The following USP45 variants were observed in gnomAD, a reference collection of about 807,000 sequenced individuals.
USP45 encodes the protein ubiquitin specific peptidase 45, also known as ubiquitin carboxyl-terminal hydrolase 45.
A neutral mutation model predicts 95.8 loss-of-function variants in USP45; 89 were observed. The ratio of observed to expected loss-of-function variants is 0.93; its 90% CI spans 0.78 to 1.11. USP45 has a LOEUF of 1.11. Among genes scored for constraint, USP45 ranks in the 50% least tolerant of loss-of-function variants. USP45 has a pLI of 0.00. For synonymous variants in USP45, 281 were observed against 316.2 expected, an observed-to-expected ratio of 0.89 and a Z score of 1.18; for missense variants, 898 against 942.5, an observed-to-expected ratio of 0.95 and a Z score of 0.62.
At chr6:99,502,519 C>T (rs984245089) in intron 5 of USP45, among the ~76,000 whole-genome samples, 21 of 152,188 alleles carry the variant, frequency 1.4e-4, no homozygotes, top group Non-Finnish European at 2.8e-4. Flanking sequence ...CAACTGTGCC[C>T]TTAGCCTGTG....
intron 13 of USP45, among the ~76,000 whole-genome samples, chr6:99,459,778 G>A (rs1785975443): frequency 6.6e-6 from 1 of 152,068 alleles, no homozygotes. Context: ...TATCAGACTT[G>A]ATTCTGAGGG....
intron 13 of USP45, among the ~76,000 whole-genome samples, chr6:99,456,134 G>GAAAAA (rs71021737): frequency 5.6e-5 from 5 of 89,530 alleles, no homozygotes; most frequent in African/African-American, 1.8e-4. Context: ...CTCTGTCTCG[G>GAAAAA]AAAAAAAAAA....
chr6:99,487,633 C>CAAAA (rs11335830), intron 7 of USP45, among the ~76,000 whole-genome samples: 14 of 106,352 alleles, frequency 1.3e-4, no homozygotes, highest in African/African-American at 1.5e-4. Context: ...ACTAAAAATA[C>CAAAA]AAAAAAAAAA....
At chr6:99,438,385 G>A (rs1780901200) in intron 16 of USP45, among the ~76,000 whole-genome samples, 1 of 152,100 alleles carries the variant, frequency 6.6e-6, no homozygotes, top group African/African-American at 2.4e-5. Context: ...TTTTAAAATG[G>A]TTACCTATAA....
rs1780278921 is a variant in USP45 at position 99,435,223 on chromosome 6, AT to A, written c.*492del. 6.6e-6 allele frequency: 1 copy of A among 152,584 alleles called. No individual in the cohort carries two copies. The highest frequency in any genetic ancestry group is 6.5e-5 in the Admixed American group (1 of 15,280). The allele number at this position is 152,584 out of a possible 1,614,324, so 9.5% of individuals were successfully genotyped here. ...TTTTAATAGTTTTACTTTAATATTT[AT>A]TATAAAAATATAAAAGCACATAAAA... On this transcript the variant is annotated 3_prime_UTR_variant, in exon 18 of 18. Coordinates refer to ENST00000500704, the MANE Select transcript of USP45 (RefSeq NM_001346022.3).
intron 15 of USP45, 120 bp from the exon 16 acceptor site, chr6:99,439,975 A>G (rs976237858): frequency 1.5e-5 from 9 of 594,590 alleles, no homozygotes; most frequent in African/African-American, 1.3e-4. Context: ...AAATGTGACT[A>G]ATGTATAGTC....
intron 3 of USP45, among the ~76,000 whole-genome samples, 197 bp from the exon 4 acceptor site, chr6:99,507,728 T>A (rs2128805463): frequency 6.6e-6 from 1 of 152,230 alleles, no homozygotes; most frequent in East Asian, 1.9e-4. Context: ...CAATATACAG[T>A]ATTTACCTAA....
upstream of USP45, among the ~76,000 whole-genome samples, chr6:99,515,810 T>C (rs1801053769): frequency 7.5e-6 from 1 of 133,268 alleles, no homozygotes; most frequent in African/African-American, 3.0e-5. Flanking sequence ...AGTCTCGCTC[T>C]GTCGCCCAGG....
intron 14 of USP45, among the ~76,000 whole-genome samples, chr6:99,444,227 C>T (rs1249083671): frequency 1.3e-5 from 2 of 152,114 alleles, no homozygotes; most frequent in African/African-American, 2.4e-5. Flanking sequence ...GTTCCTCAGA[C>T]TGGTCTTGAA....
At chr6:99,486,834 CACACACACACAA>C (rs1467288947) in intron 7 of USP45, among the ~76,000 whole-genome samples, 2 of 151,644 alleles carry the variant, frequency 1.3e-5, no homozygotes, top group Non-Finnish European at 2.9e-5. Context: ...TACACACTTA[CACACACACACAA>C]ACACACACAC....
rs866016423 is a variant in USP45, at chr6:99,433,428, A to G, written c.*2288T>C. 44 of 152,748 alleles carry G rather than the reference A, an allele frequency of 2.9e-4. No individual in the cohort carries two copies. The highest frequency in any genetic ancestry group is 9.9e-4 in the African/African-American group (41 of 41,566). The allele number at this position is 152,748 out of a possible 1,614,324, so 9.5% of individuals were successfully genotyped here. The stretch of plus-strand genomic sequence containing the variant: ...CTGTTATTATAGTAGACTTGCTACT[A>G]TATACATTTACTATCCCTGCAAATG... On this transcript the variant is annotated 3_prime_UTR_variant, in exon 18 of 18. Coordinates refer to ENST00000500704, the MANE Select transcript of USP45 (RefSeq NM_001346022.3).
Position 99,510,233 on chromosome 6 carries a change from G to A in USP45, c.-10-3C>T. ...CTTTCACCCGCATCTGTTATTTACT[G>A]AAGGGATTGAGGGAAAAAAATTCAT... On this transcript the variant is annotated splice_polypyrimidine_tract_variant and splice_region_variant and intron_variant, in intron 1 of 17. Transcript: ENST00000500704. 6.2e-7 allele frequency: 1 copy of A among 1,606,470 alleles called. No homozygotes were observed. The highest frequency in any genetic ancestry group is 1.3e-5 in the African/African-American group (1 of 74,890).
intron 10 of USP45, among the ~76,000 whole-genome samples, chr6:99,467,924 CATTAGTT>C (rs1378317287): frequency 1.7e-5 from 2 of 115,446 alleles, no homozygotes; most frequent in African/African-American, 7.2e-5. Context: ...TTCATGCTAA[CATTAGTT>C]AGTATCTCAA....
chr6:99,503,216 A>C (rs1016023170), intron 5 of USP45, among the ~76,000 whole-genome samples: 4 of 152,188 alleles, frequency 2.6e-5, no homozygotes, highest in Non-Finnish European at 4.4e-5. Flanking sequence ...ATTCAAACTT[A>C]TCAGGACTGA....
At chr6:99,515,298 C>T (rs1450321396) in intron 1 of USP45, 94 bp downstream of exon 1, 7 of 152,230 alleles carry the variant, frequency 4.6e-5, no homozygotes, top group African/African-American at 1.7e-4. Flanking sequence ...CAGCCTCGCC[C>T]ACCCACAAGG....
intron 7 of USP45, 49 bp from the exon 8 acceptor site, chr6:99,482,932 A>T: frequency 7.3e-7 from 1 of 1,377,230 alleles, no homozygotes; most frequent in Non-Finnish European, 9.5e-7. Context: ...ATTTAAAAAT[A>T]ACATATTAAA....
At position 99,435,753 on chromosome 6, in the gene USP45, G is replaced by A. The variant is rs1365139549; in HGVS notation, c.2408C>T (p.Ala803Val). ...QVVPESRALS[A>V]QAYLLFYERV... Reference sequence around the variant, plus strand: ...TTCATAGAAAAGAAGGTAGGCTTGTGCACTAAGTGCTCTTGATTCTGGAAC... The same window carrying A: ...TTCATAGAAAAGAAGGTAGGCTTGTACACTAAGTGCTCTTGATTCTGGAAC... Residue 803 changes from alanine to valine, a missense_variant, in exon 18 of 18, where the codon GCA becomes GTA. Coordinates refer to ENST00000500704, the MANE Select transcript of USP45 (RefSeq NM_001346022.3). The A allele has an allele frequency of 1.2e-6, 2 of 1,613,384 alleles. No individual in the cohort carries two copies. The highest frequency in any genetic ancestry group is 2.2e-5 in the East Asian group (1 of 44,846).
At chr6:99,476,752 A>C (rs1290832148) in intron 8 of USP45, among the ~76,000 whole-genome samples, 1 of 152,252 alleles carries the variant, frequency 6.6e-6, no homozygotes, top group Non-Finnish European at 1.5e-5. Context: ...CCAGTATTCA[A>C]ACCCAAGCCA....
Position 99,432,861 on chromosome 6 carries a change from A to G in USP45, c.*2855T>C, listed in dbSNP as rs1286252502. 6.5e-6 allele frequency: 1 copy of G among 152,690 alleles called. No homozygotes were observed. The highest frequency in any genetic ancestry group is 2.4e-5 in the African/African-American group (1 of 41,474). 9.5% of individuals were successfully genotyped at this position (152,690 alleles called of 1,614,324 possible). ...AATCTTCAGAAAATTTTCTTCAGCTATTGCATAAAATCACTGATTAAAATC... is the reference window on the plus strand; with the variant it reads ...AATCTTCAGAAAATTTTCTTCAGCTGTTGCATAAAATCACTGATTAAAATC... On this transcript the variant is annotated 3_prime_UTR_variant, in exon 18 of 18. Coordinates refer to ENST00000500704, the MANE Select transcript of USP45 (RefSeq NM_001346022.3).
Sources: allele counts gnomAD v4.1 joint callset (sites outside exome capture counted in the v4.1 genomes callset), GRCh38; gene constraint gnomAD v4.1.1; transcripts MANE v1.5; gene names NCBI Gene and HGNC (gene_info 2026-07-23, HGNC 2026-07-21).